JMJD1C: variants seen among roughly 807,000 people sequenced by gnomAD.
The protein encoded by JMJD1C is jumonji domain containing 1C.
Under a neutral mutation model 245.3 loss-of-function variants are expected in JMJD1C, and 31 were observed. The observed-to-expected ratio is 0.13, with a 90% CI of 0.09 to 0.17. The LOEUF is 0.17. Among genes scored for constraint, JMJD1C ranks in the 10% least tolerant of loss-of-function variants. JMJD1C has a pLI of 1.00. For synonymous variants in JMJD1C, 1,057 were observed against 1,017.4 expected (o/e 1.04, Z -0.74); for missense variants, 2,691 against 3,000.2 (o/e 0.90, Z 2.41).
chr10:63,406,121 A>T (rs1440522643), intron 1 of JMJD1C, among the ~76,000 whole-genome samples: 2 of 152,186 alleles, frequency 1.3e-5, no homozygotes, highest in Non-Finnish European at 2.9e-5. Flanking sequence ...CAAAATAAAC[A>T]ACTACTCACA....
chr10:63,367,148 A>G (rs1334899963), intron 2 of JMJD1C, among the ~76,000 whole-genome samples: 2 of 152,226 alleles, frequency 1.3e-5, no homozygotes, highest in Non-Finnish European at 2.9e-5. Context: ...GCACTCTCAG[A>G]GGTTGAGTGG....
At chr10:63,481,852 C>T (rs903711524) in intron 1 of JMJD1C, among the ~76,000 whole-genome samples, 1 of 152,070 alleles carries the variant, frequency 6.6e-6, no homozygotes, top group Non-Finnish European at 1.5e-5. Flanking sequence ...AGAGAACCTA[C>T]GGCAGAGAAA....
intron 1 of JMJD1C, among the ~76,000 whole-genome samples, chr10:63,406,912 A>T (rs897121816): frequency 6.6e-6 from 1 of 152,198 alleles, no homozygotes; most frequent in African/African-American, 2.4e-5. Context: ...CTGGATGATG[A>T]GGATTGTAAG....
intron 3 of JMJD1C, among the ~76,000 whole-genome samples, chr10:63,227,203 A>G (rs924366055): frequency 1.3e-5 from 2 of 152,238 alleles, no homozygotes; most frequent in African/African-American, 4.8e-5. Flanking sequence ...ACATAAGCTC[A>G]GAACACTAAA....
At chr10:63,225,767 G>A (rs568753048) in intron 3 of JMJD1C, among the ~76,000 whole-genome samples, 4 of 149,654 alleles carry the variant, frequency 2.7e-5, no homozygotes, top group Admixed American at 6.7e-5. Context: ...CAGCAAGAGC[G>A]AGACTGCATC....
intron 1 of JMJD1C, among the ~76,000 whole-genome samples, chr10:63,438,964 T>C (rs1220718832): frequency 2.0e-5 from 3 of 152,226 alleles, no homozygotes; most frequent in African/African-American, 7.2e-5. Flanking sequence ...CATAAACTGA[T>C]TTCCATAAGG....
At position 63,168,456 on chromosome 10, in the gene JMJD1C, G is replaced by A. The variant is rs1378998329; in HGVS notation, c.7512C>T (p.Ile2504=). ...TTACCTGTAGTTTATCATCATAATT[G>A]ATTTCTTCCTTCAAAAGTCTCAGTT... ...TQELRLLKEE[I]NYDDKLQVKN... is the part of the protein sequence containing the mutation. The change falls in exon 25 of 26, where the codon ATC becomes ATT. Residue 2504 remains isoleucine, a synonymous_variant. Coordinates refer to ENST00000399262, the MANE Select transcript of JMJD1C (RefSeq NM_032776.3). 1.2e-6 allele frequency: 2 copies of A among 1,608,798 alleles called. No individual in the cohort carries two copies. The highest frequency in any genetic ancestry group is 1.7e-6 in the Non-Finnish European group (2 of 1,178,184).
chr10:63,233,875 G>C (rs1266439661), intron 3 of JMJD1C, among the ~76,000 whole-genome samples: 2 of 151,704 alleles, frequency 1.3e-5, no homozygotes, highest in African/African-American at 2.4e-5. Context: ...TATTTTTCTG[G>C]AAGTTTTTTA....
At chr10:63,227,975 A>AGG (rs1849506969) in intron 3 of JMJD1C, among the ~76,000 whole-genome samples, 1 of 152,230 alleles carries the variant, frequency 6.6e-6, no homozygotes, top group Non-Finnish European at 1.5e-5. Context: ...TGCTGGGACA[A>AGG]GAAATATATA....
At chr10:63,241,118 A>G (rs1299230274) in intron 3 of JMJD1C, among the ~76,000 whole-genome samples, 2 of 152,232 alleles carry the variant, frequency 1.3e-5, no homozygotes, top group Admixed American at 6.5e-5. Context: ...ATTTATGCAC[A>G]TACACACACA....
At chr10:63,450,852 G>A (rs1322538168) in intron 1 of JMJD1C, among the ~76,000 whole-genome samples, 2 of 149,656 alleles carry the variant, frequency 1.3e-5, no homozygotes, top group African/African-American at 2.5e-5. Context: ...AAAAGAAGAA[G>A]TAAAATTACC....
chr10:63,326,962 A>G (rs1941594994), intron 2 of JMJD1C, among the ~76,000 whole-genome samples: 1 of 152,178 alleles, frequency 6.6e-6, no homozygotes, highest in African/African-American at 2.4e-5. Context: ...CGAGACAGGA[A>G]GATTGCTTGA....
rs1395202866 is a variant in JMJD1C, at chr10:63,335,023, GAAAAAAATA to G, written c.333+45286_333+45294del. 1.1e-4 allele frequency among the ~76,000 whole-genome samples: 11 copies of G among 100,860 alleles called. 1 individual carries two copies. Among genetic ancestry groups the G allele is most frequent in the East Asian group, 2.6e-4 (1 of 3,826 alleles). The allele number at this position is 100,860 out of a possible 152,430, so 66.2% of individuals were successfully genotyped here. A position where few individuals can be genotyped will look rare whatever the true frequency, so the allele number is the denominator to read the frequency against. ...ATGCCCAGCCAAGACTCTGTCTTTGGAAAAAAATAAAAAAAAAAAAAAATATTGTTCCTA... is the reference window on the plus strand; with the variant it reads ...ATGCCCAGCCAAGACTCTGTCTTTGGAAAAAAAAAAAAAATATTGTTCCTA... On this transcript the variant is annotated intron_variant, in intron 2 of 25. Transcript: ENST00000399262.
intron 2 of JMJD1C, among the ~76,000 whole-genome samples, chr10:63,361,692 T>G (rs1945339254): frequency 1.6e-5 from 2 of 123,970 alleles, no homozygotes; most frequent in Non-Finnish European, 1.6e-5. Flanking sequence ...GACTCCAGCC[T>G]GGGCAACAGA....
Position 63,271,962 on chromosome 10 carries a change from A to G in JMJD1C, c.334-7198T>C, listed in dbSNP as rs570793417. 2.7e-5 allele frequency among the ~76,000 whole-genome samples: 4 copies of G among 150,230 alleles called. No individual in the cohort carries two copies. The East Asian group carries it at 8.0e-4, about 30-fold the overall frequency. ...TGGTGGCGTACCTGTAGTCTCAGCT[A>G]CTCTGGAGGCTGAGGCAGGAGAATT... is the stretch of plus-strand genomic sequence containing the variant. On this transcript the variant is annotated intron_variant, in intron 2 of 25. Transcript: ENST00000399262.
At chr10:63,376,311 C>T (rs1476048542) in intron 2 of JMJD1C, among the ~76,000 whole-genome samples, 1 of 152,064 alleles carries the variant, frequency 6.6e-6, no homozygotes, top group African/African-American at 2.4e-5. Context: ...TGATCTAAAA[C>T]TATACAACTT....
chr10:63,414,805 G>A (rs1589702851), intron 1 of JMJD1C, among the ~76,000 whole-genome samples: 2 of 151,842 alleles, frequency 1.3e-5, no homozygotes, highest in South Asian at 4.2e-4. Context: ...TACTCGGGTG[G>A]CTGAGACAGG....
chr10:63,253,532 C>T (rs1853403992), intron 3 of JMJD1C, among the ~76,000 whole-genome samples: 1 of 151,994 alleles, frequency 6.6e-6, no homozygotes, highest in Non-Finnish European at 1.5e-5. Context: ...TACAGGCGCC[C>T]GCCACCATGT....
intron 3 of JMJD1C, among the ~76,000 whole-genome samples, chr10:63,238,194 A>T (rs1220338926): frequency 4.1e-5 from 5 of 122,806 alleles, no homozygotes; most frequent in South Asian, 5.0e-4. Flanking sequence ...AAAAAAAAAA[A>T]AGAAAAAAAG....
Sources: allele counts gnomAD v4.1 joint callset (sites outside exome capture counted in the v4.1 genomes callset), GRCh38; gene constraint gnomAD v4.1.1; transcripts MANE v1.5; gene names NCBI Gene and HGNC (gene_info 2026-07-23, HGNC 2026-07-21).